NTF3: variants seen among roughly 807,000 people sequenced by gnomAD.
NTF3 encodes neurotrophin 3, also known as neurotrophin-3.
A neutral mutation model predicts 26.3 loss-of-function variants in NTF3; 8 were observed. The ratio of observed to expected loss-of-function variants is 0.30; its 90% CI spans 0.18 to 0.55. The LOEUF is 0.55. Ranked by LOEUF, NTF3 falls within the 20% of genes least tolerant of loss-of-function variation. The pLI, the probability that NTF3 is intolerant of heterozygous loss-of-function variation, is 0.93. For synonymous variants in NTF3, 154 were observed against 145.5 expected (o/e 1.06, Z -0.42); for missense variants, 276 against 352.9 (o/e 0.78, Z 1.75).
intron 1 of NTF3, among the ~76,000 whole-genome samples, chr12:5,442,910 C>G (rs7132127): frequency 0.49 from 74,786 of 151,938 alleles, 19,467 homozygotes; most frequent in African/African-American, 0.67. Context: ...AGTCTACTTG[C>G]GAATACAGTG....
At chr12:5,430,436 G>A (rs184654307), upstream of NTF3, among the ~76,000 whole-genome samples, 1 of 152,086 alleles carries the variant, frequency 6.6e-6, no homozygotes, top group African/African-American at 2.4e-5. Flanking sequence ...GGGAGCCACT[G>A]AAGGACTACC....
chr12:5,471,046 T>C (rs1425034113), intron 1 of NTF3, among the ~76,000 whole-genome samples: 2 of 152,046 alleles, frequency 1.3e-5, no homozygotes, highest in Non-Finnish European at 2.9e-5. Flanking sequence ...TCTCCTCTCT[T>C]CTCCCCTACT....
chr12:5,492,450 T>C (rs930997993), intron 1 of NTF3, among the ~76,000 whole-genome samples: 1 of 152,254 alleles, frequency 6.6e-6, no homozygotes, highest in Non-Finnish European at 1.5e-5. Context: ...TTGTATGCCA[T>C]ATTTTTTGTA....
intron 1 of NTF3, among the ~76,000 whole-genome samples, chr12:5,493,518 T>A (rs1359169116): frequency 6.6e-6 from 1 of 152,054 alleles, no homozygotes; most frequent in African/African-American, 2.4e-5. Context: ...ATGGAGCAGA[T>A]CAGTTGGTGA....
At chr12:5,437,812 A>T (rs1038889201) in intron 1 of NTF3, among the ~76,000 whole-genome samples, 6 of 152,200 alleles carry the variant, frequency 3.9e-5, no homozygotes, top group African/African-American at 1.4e-4. Flanking sequence ...GGTGCTGCTG[A>T]TAAGGTCTGT....
At chr12:5,482,228 C>T (rs1191503178) in intron 1 of NTF3, among the ~76,000 whole-genome samples, 1 of 152,244 alleles carries the variant, frequency 6.6e-6, no homozygotes, top group Non-Finnish European at 1.5e-5. Context: ...ACTGGCCTGT[C>T]GCTTGTAGCC....
chr12:5,479,987 AG>A (rs1370992881), intron 1 of NTF3, among the ~76,000 whole-genome samples: 4 of 152,148 alleles, frequency 2.6e-5, no homozygotes, highest in African/African-American at 9.7e-5. Flanking sequence ...TGGGAGTCTG[AG>A]GCCTTTAAGG....
chr12:5,486,577 C>T (rs1940867914), intron 1 of NTF3, among the ~76,000 whole-genome samples: 1 of 152,192 alleles, frequency 6.6e-6, no homozygotes, highest in South Asian at 2.1e-4. Context: ...AGACCATAAA[C>T]TCAGCTCGAA....
At chr12:5,464,771 TG>T (rs910618707) in intron 1 of NTF3, among the ~76,000 whole-genome samples, 5 of 152,202 alleles carry the variant, frequency 3.3e-5, no homozygotes, top group African/African-American at 1.2e-4. Flanking sequence ...CAGTATTACA[TG>T]AGTAAATTAT....
At chr12:5,486,261 G>A (rs1940864680) in intron 1 of NTF3, among the ~76,000 whole-genome samples, 1 of 152,180 alleles carries the variant, frequency 6.6e-6, no homozygotes, top group Non-Finnish European at 1.5e-5. Context: ...TATGGTTGAT[G>A]CACACAAAAA....
At chr12:5,478,551 C>T (rs1940751923) in intron 1 of NTF3, among the ~76,000 whole-genome samples, 1 of 152,252 alleles carries the variant, frequency 6.6e-6, no homozygotes, top group Non-Finnish European at 1.5e-5. Flanking sequence ...GCCTGCGGCC[C>T]GATAGGCCTC....
chr12:5,455,647 C>A (rs1205948513), intron 1 of NTF3, among the ~76,000 whole-genome samples: 1 of 152,124 alleles, frequency 6.6e-6, no homozygotes, highest in Admixed American at 6.5e-5. Context: ...CCCACCTGCA[C>A]CCTCGACAGT....
chr12:5,439,275 T>C (rs75791002), intron 1 of NTF3, among the ~76,000 whole-genome samples: 3,078 of 152,292 alleles, frequency 0.02, 49 homozygotes, highest in Non-Finnish European at 0.03. Flanking sequence ...TGGCATTATC[T>C]CAGTACTCAA....
chr12:5,432,317 C>G lies in NTF3; in HGVS notation c.-8C>G. The G allele has an allele frequency of 6.2e-7, 1 of 1,611,442 alleles. No homozygotes were observed. The highest frequency in any genetic ancestry group is 8.5e-7 in the Non-Finnish European group (1 of 1,178,684). The stretch of plus-strand genomic sequence containing the variant: ...GTCGACGTCCCTGGAAACGGCCACA[C>G]GGATGCCATGGTTACTTTTGCCACG... On this transcript the variant is annotated 5_prime_UTR_variant, in exon 1 of 2. Coordinates refer to ENST00000423158, the MANE Select transcript of NTF3 (RefSeq NM_001102654.2).
chr12:5,441,507 C>T (rs1197714200), intron 1 of NTF3, among the ~76,000 whole-genome samples: 1 of 152,208 alleles, frequency 6.6e-6, no homozygotes, highest in Non-Finnish European at 1.5e-5. Context: ...TGGGAAGCCT[C>T]CCTGCATTTC....
intron 1 of NTF3, among the ~76,000 whole-genome samples, chr12:5,437,821 G>A (rs1221416916): frequency 2.0e-5 from 3 of 152,218 alleles, no homozygotes; most frequent in Admixed American, 6.5e-5. Flanking sequence ...GATAAGGTCT[G>A]TGGATGTACT....
intron 1 of NTF3, 84 bp downstream of exon 1, chr12:5,432,426 C>CG (rs1940103638): frequency 7.4e-6 from 11 of 1,490,894 alleles, no homozygotes; most frequent in South Asian, 3.4e-5. Context: ...TGGACTGGTG[C>CG]GGGGGGCCCC....
At chr12:5,493,183 G>A (rs756248148) in intron 1 of NTF3, among the ~76,000 whole-genome samples, 2 of 152,198 alleles carry the variant, frequency 1.3e-5, no homozygotes, top group African/African-American at 2.4e-5. Context: ...GACTAGCAAT[G>A]AAGGTGTCTT....
intron 1 of NTF3, among the ~76,000 whole-genome samples, chr12:5,491,821 A>T (rs1232789645): frequency 6.9e-6 from 1 of 144,972 alleles, no homozygotes; most frequent in Non-Finnish European, 1.5e-5. Context: ...CCGGGTTCAC[A>T]CCATTCTCCT....
Sources: allele counts gnomAD v4.1 joint callset (sites outside exome capture counted in the v4.1 genomes callset), GRCh38; gene constraint gnomAD v4.1.1; transcripts MANE v1.5; gene names NCBI Gene and HGNC (gene_info 2026-07-23, HGNC 2026-07-21).